FGF14: variants seen among roughly 807,000 people sequenced by gnomAD.
FGF14 encodes fibroblast growth factor homologous factor 4.
FGF14 carries 5 observed loss-of-function variants against 25.5 expected under a neutral mutation model. The observed-to-expected ratio is 0.20, with a 90% CI of 0.10 to 0.41. FGF14 has a LOEUF of 0.41. Ranked by LOEUF, FGF14 falls within the 10% of genes least tolerant of loss-of-function variation. The pLI is 1.00. For missense variants in FGF14, 222 were observed against 320.1 expected (o/e 0.69, Z 2.34); for synonymous variants, 138 against 118.3 (o/e 1.17, Z -1.08).
chr13:102,325,700 C>G (rs542114456), intron 1 of FGF14, among the ~76,000 whole-genome samples: 1 of 152,146 alleles, frequency 6.6e-6, no homozygotes, highest in Non-Finnish European at 1.5e-5. Context: ...TTTCTTCTAA[C>G]ACTACCATCC....
intron 1 of FGF14, among the ~76,000 whole-genome samples, chr13:101,875,670 G>T (rs1281401790): frequency 6.6e-6 from 1 of 152,030 alleles, no homozygotes; most frequent in Non-Finnish European, 1.5e-5. Flanking sequence ...GTGACTCTCA[G>T]AAATTTTATT....
At chr13:102,298,760 G>A (rs1180499579) in intron 1 of FGF14, among the ~76,000 whole-genome samples, 1 of 152,152 alleles carries the variant, frequency 6.6e-6, no homozygotes, top group Admixed American at 6.6e-5. Context: ...CCACATGAAA[G>A]CTGGAGGAAA....
At chr13:102,178,300 GCTA>G (rs1405542170) in intron 1 of FGF14, among the ~76,000 whole-genome samples, 17 of 152,062 alleles carry the variant, frequency 1.1e-4, no homozygotes, top group Non-Finnish European at 2.2e-4. Context: ...GACCCCAATG[GCTA>G]CTAAAAACTG....
chr13:101,816,858 T>C lies in FGF14; in HGVS notation c.408+51867A>G, dbSNP rs60322001. Among the ~76,000 whole-genome samples the C allele has an allele frequency of 4.3e-3, 650 of 152,334 alleles. 3 individuals are homozygous for C. Among genetic ancestry groups the C allele is most frequent in the African/African-American group, 0.015 (624 of 41,574 alleles). ...CTTTATTTCTACAGCAGAAGGATTA[T>C]CACTGTTACCAGTGGGAAATTTTCT... On this transcript the variant is annotated intron_variant, in intron 3 of 4. Coordinates refer to ENST00000376143, the MANE Select transcript of FGF14 (RefSeq NM_004115.4).
At position 101,715,324 on chromosome 13, in the gene FGF14, C is replaced by A. The variant is rs956194183; in HGVS notation, c.*7507G>T. ...ACCTAAAAGCCTAGCTGGAGTGATA[C>A]AGGATGGTGACTATCTGATCGGTAA... On this transcript the variant is annotated 3_prime_UTR_variant, in exon 5 of 5. Coordinates refer to ENST00000376143, the MANE Select transcript of FGF14 (RefSeq NM_004115.4). 56 of 468,558 alleles carry A rather than the reference C, an allele frequency of 1.2e-4. No individual in the cohort carries two copies. The highest frequency in any genetic ancestry group is 1.0e-3 in the African/African-American group (52 of 50,708). 29.0% of individuals were successfully genotyped at this position (468,558 alleles called of 1,614,324 possible).
Position 101,916,436 on chromosome 13 carries a change from C to T in FGF14, c.193+17G>A. 6.2e-7 allele frequency: 1 copy of T among 1,613,808 alleles called. No individual in the cohort carries two copies. Among genetic ancestry groups the T allele is most frequent in the South Asian group, 1.1e-5 (1 of 91,082 alleles). Reference sequence around the variant, plus strand: ...GGGCGACCCGGGGCGCATCTCCCGACCATGACCCCCACAGACCTTGGCGCC... The same window carrying T: ...GGGCGACCCGGGGCGCATCTCCCGATCATGACCCCCACAGACCTTGGCGCC... On this transcript the variant is annotated intron_variant, in intron 1 of 4. Coordinates refer to ENST00000376143, the MANE Select transcript of FGF14 (RefSeq NM_004115.4).
intron 1 of FGF14, among the ~76,000 whole-genome samples, chr13:102,246,487 TGG>T (rs1246178464): frequency 1.3e-5 from 2 of 152,032 alleles, no homozygotes; most frequent in Non-Finnish European, 2.9e-5. Context: ...CAGATGGAGC[TGG>T]CACTGACAGA....
chr13:102,159,583 G>A (rs528774120), intron 1 of FGF14, among the ~76,000 whole-genome samples: 32 of 152,300 alleles, frequency 2.1e-4, no homozygotes, highest in South Asian at 8.3e-4. Context: ...AGAGCTCATC[G>A]TGCACTCTTC....
intron 1 of FGF14, among the ~76,000 whole-genome samples, chr13:102,380,563 G>A (rs964161463): frequency 2.0e-5 from 3 of 152,086 alleles, no homozygotes; most frequent in African/African-American, 7.2e-5. Flanking sequence ...ACTCAATCGG[G>A]TATTTTCCTA....
At chr13:102,303,546 G>A (rs1433448833) in intron 1 of FGF14, among the ~76,000 whole-genome samples, 3 of 152,146 alleles carry the variant, frequency 2.0e-5, no homozygotes, top group Non-Finnish European at 2.9e-5. Context: ...CATTTATTGG[G>A]TGTTTGCCAT....
chr13:102,251,473 C>T (rs2052170221), intron 1 of FGF14, among the ~76,000 whole-genome samples: 1 of 152,132 alleles, frequency 6.6e-6, no homozygotes, highest in African/African-American at 2.4e-5. Flanking sequence ...TCTTTTAAAA[C>T]ATCAAGAAAC....
intron 3 of FGF14, among the ~76,000 whole-genome samples, chr13:101,851,707 A>G (rs757644275): frequency 7.2e-5 from 11 of 152,054 alleles, no homozygotes; most frequent in Non-Finnish European, 8.8e-5. Context: ...CTAACATTTT[A>G]AGAGCCCTTG....
chr13:101,959,904 G>C lies in FGF14; in HGVS notation c.209-84608C>G, dbSNP rs138096060. Among the ~76,000 whole-genome samples, 140 of 152,254 alleles carry C rather than the reference G, an allele frequency of 9.2e-4. 3 individuals carry two copies. The highest frequency in any genetic ancestry group is 3.3e-3 in the African/African-American group (136 of 41,534). On this transcript the variant is annotated intron_variant, in intron 1 of 4. Coordinates refer to the FGF14 transcript ENST00000376131. ...AATTTTAATAAATATTTGCTAAATT[G>C]AATCTGGAGATGAAGTCTAAAACTG...
At chr13:102,180,609 G>A (rs2048634230) in intron 1 of FGF14, among the ~76,000 whole-genome samples, 1 of 152,114 alleles carries the variant, frequency 6.6e-6, no homozygotes, top group Non-Finnish European at 1.5e-5. Flanking sequence ...ACCTCACCCG[G>A]CCAAGAGAAG....
In FGF14 at chr13:101,896,376, C is replaced by A. The variant is rs114450908; in HGVS notation, c.193+20077G>T. Among the ~76,000 whole-genome samples the A allele has an allele frequency of 8.1e-3, 1,229 of 152,186 alleles. 23 individuals carry two copies. Among genetic ancestry groups the A allele is most frequent in the African/African-American group, 0.028 (1,152 of 41,510 alleles). ...CCATAGCTCCCTCTTCTATGCCCCC[C>A]ACTCTGTACATTTCACCTCTCACCT... On this transcript the variant is annotated intron_variant, in intron 1 of 4. Transcript: ENST00000376143.
intron 1 of FGF14, among the ~76,000 whole-genome samples, chr13:102,261,652 T>C (rs2052723014): frequency 6.6e-6 from 1 of 152,184 alleles, no homozygotes; most frequent in South Asian, 2.1e-4. Flanking sequence ...GTGTCCAATA[T>C]CTTCTATAAA....
chr13:102,047,927 T>C (rs1439783482), intron 1 of FGF14, among the ~76,000 whole-genome samples: 1 of 152,096 alleles, frequency 6.6e-6, no homozygotes, highest in Non-Finnish European at 1.5e-5. Flanking sequence ...AATACATTTT[T>C]ATGAGAAAAG....
At chr13:102,205,702 AT>A (rs2049875396) in intron 1 of FGF14, among the ~76,000 whole-genome samples, 1 of 150,286 alleles carries the variant, frequency 6.7e-6, no homozygotes, top group Non-Finnish European at 1.5e-5. Flanking sequence ...ACATGAAAGC[AT>A]TTTGCCATCT....
chr13:101,972,195 G>A (rs1037503803), intron 1 of FGF14, among the ~76,000 whole-genome samples: 1 of 152,224 alleles, frequency 6.6e-6, no homozygotes, highest in Admixed American at 6.5e-5. Context: ...GAGGCACTCT[G>A]TGCTTTAGTG....
Sources: gnomAD v4.1 joint callset for allele counts (sites outside exome capture counted in the v4.1 genomes callset) on GRCh38, gnomAD v4.1.1 for gene constraint, MANE v1.5 for transcripts, NCBI Gene and HGNC (gene_info 2026-07-23, HGNC 2026-07-21) for gene names.